Variants in MAN1A2 observed in about 807,000 individuals in gnomAD.
MAN1A2 encodes mannosyl-oligosaccharide 1,2-alpha-mannosidase IB.
MAN1A2 carries 26 observed loss-of-function variants against 75.7 expected under a neutral mutation model. That is an observed-to-expected ratio of 0.34 (90% CI 0.25 to 0.48). MAN1A2 has a LOEUF of 0.48. MAN1A2 is among the 20% of genes least tolerant of loss of function. The pLI is 0.99. For missense variants in MAN1A2, 562 were observed against 775.5 expected (o/e 0.72, Z 3.27); for synonymous variants, 247 against 264.6 (o/e 0.93, Z 0.65).
At chr1:117,393,585 TA>T (rs1653803573) in intron 1 of MAN1A2, among the ~76,000 whole-genome samples, 2 of 152,088 alleles carry the variant, frequency 1.3e-5, no homozygotes, top group East Asian at 1.9e-4. Context: ...AACTTTGTCA[TA>T]AAAAAACTTT....
At chr1:117,458,523 A>ATATTT (rs1553236643) in intron 6 of MAN1A2, among the ~76,000 whole-genome samples, 4 of 105,608 alleles carry the variant, frequency 3.8e-5, no homozygotes, top group African/African-American at 1.4e-4. Context: ...ATATATATAT[A>ATATTT]TTTTTTTTTT....
chr1:117,429,929 G>A (rs1307694181), intron 5 of MAN1A2, among the ~76,000 whole-genome samples: 5 of 80,170 alleles, frequency 6.2e-5, no homozygotes, highest in East Asian at 3.7e-4. Context: ...CAGTAGGGGC[G>A]GCCGGGCAGA....
At chr1:117,493,051 AC>A (rs941364214) in intron 8 of MAN1A2, 95 bp from the exon 9 acceptor site, 1 of 655,258 alleles carries the variant, frequency 1.5e-6, no homozygotes, top group African/African-American at 1.8e-5. Context: ...AAAATTATTG[AC>A]CTCTAACATA....
rs2101040260 is a variant in MAN1A2, at chr1:117,528,271, T to C, written c.*5314T>C. The C allele has an allele frequency of 6.6e-6, 1 of 152,176 alleles. No homozygotes were observed. Among genetic ancestry groups the C allele is most frequent in the East Asian group, 1.9e-4 (1 of 5,174 alleles). The allele number at this position is 152,176 out of a possible 1,614,324, so 9.4% of individuals were successfully genotyped here. On this transcript the variant is annotated 3_prime_UTR_variant, in exon 13 of 13. Coordinates refer to ENST00000356554, the MANE Select transcript of MAN1A2 (RefSeq NM_006699.5). ...AATAGATTTTTCTTTAAGAATTTTA[T>C]CAAATATTTCACTATTTGGGGAAAT... is the stretch of plus-strand genomic sequence containing the variant.
chr1:117,405,698 AAC>A, intron 3 of MAN1A2, 53 bp downstream of exon 3: 1 of 965,504 alleles, frequency 1.0e-6, no homozygotes, highest in South Asian at 1.3e-5. Context: ...CATCTTTTAA[AAC>A]AAGATGTAAC....
chr1:117,522,942 T>C lies in MAN1A2; in HGVS notation c.1911T>C (p.Asn637=). 1 of 1,611,418 alleles carries C rather than the reference T, an allele frequency of 6.2e-7. No individual in the cohort carries two copies. Among genetic ancestry groups the C allele is most frequent in the East Asian group, 2.2e-5 (1 of 44,838 alleles). The change falls in exon 13 of 13, where the codon AAT becomes AAC. Residue 637 remains asparagine (N), a synonymous_variant. Transcript: ENST00000356554. ...LHLANTTLSG[N]PAVR Reference sequence around the variant, plus strand: ...TAGCCAACACCACACTTTCAGGTAATCCTGCTGTTCGATGAAAGCAGTTCC... The same window carrying C: ...TAGCCAACACCACACTTTCAGGTAACCCTGCTGTTCGATGAAAGCAGTTCC...
intron 1 of MAN1A2, among the ~76,000 whole-genome samples, chr1:117,371,145 A>T (rs1652952931): frequency 6.6e-6 from 1 of 152,148 alleles, no homozygotes; most frequent in Non-Finnish European, 1.5e-5. Context: ...ATCATCAGTG[A>T]TTATAATTGT....
chr1:117,369,750 G>T (rs547599739), intron 1 of MAN1A2, among the ~76,000 whole-genome samples: 22 of 152,222 alleles, frequency 1.4e-4, no homozygotes, highest in South Asian at 8.3e-4. Context: ...CACTTTGCTT[G>T]TTGTGACTTT....
At chr1:117,497,009 A>G (rs758819620) in intron 10 of MAN1A2, 27 bp downstream of exon 10, 16 of 1,536,720 alleles carry the variant, frequency 1.0e-5, no homozygotes, top group East Asian at 4.6e-5. Flanking sequence ...GGCTAATTAT[A>G]TAGTCTAAAA....
chr1:117,402,039 G>T, intron 1 of MAN1A2, 147 bp from the exon 2 acceptor site: 1 of 688,050 alleles, frequency 1.5e-6, no homozygotes, highest in South Asian at 2.1e-5. Flanking sequence ...AGATCTGAAT[G>T]TGTCTCACTG....
At chr1:117,435,112 C>T (rs1021769315) in intron 5 of MAN1A2, among the ~76,000 whole-genome samples, 3 of 151,270 alleles carry the variant, frequency 2.0e-5, no homozygotes, top group African/African-American at 7.3e-5. Context: ...TATATTTAAG[C>T]GAAAATAAGT....
At chr1:117,424,683 C>A (rs1466173481) in intron 5 of MAN1A2, among the ~76,000 whole-genome samples, 1 of 152,186 alleles carries the variant, frequency 6.6e-6, no homozygotes, top group Admixed American at 6.5e-5. Flanking sequence ...CTGCAGTCTG[C>A]TGCATACCCC....
At chr1:117,400,898 A>T (rs796807233) in intron 1 of MAN1A2, among the ~76,000 whole-genome samples, 6 of 152,302 alleles carry the variant, frequency 3.9e-5, no homozygotes, top group African/African-American at 1.4e-4. Context: ...TTTAATGTGT[A>T]CAATTCAGTA....
chr1:117,434,524 G>A (rs1031260756), intron 5 of MAN1A2, among the ~76,000 whole-genome samples: 1 of 152,054 alleles, frequency 6.6e-6, no homozygotes, highest in African/African-American at 2.4e-5. Context: ...AGATACACAA[G>A]GGTATACTCA....
intron 3 of MAN1A2, among the ~76,000 whole-genome samples, chr1:117,409,538 C>G (rs1232829654): frequency 6.7e-6 from 1 of 149,418 alleles, no homozygotes; most frequent in African/African-American, 2.5e-5. Flanking sequence ...TGTGTATATT[C>G]TGCTGTTATT....
intron 8 of MAN1A2, among the ~76,000 whole-genome samples, chr1:117,487,205 A>G (rs12407224): frequency 0.089 from 13,577 of 152,104 alleles, 672 homozygotes; most frequent in Middle Eastern, 0.16. Context: ...GTGGGAAGTT[A>G]TTTCAGAATG....
intron 1 of MAN1A2, among the ~76,000 whole-genome samples, chr1:117,389,713 C>CT (rs373679736): frequency 4.4e-4 from 64 of 146,882 alleles, no homozygotes; most frequent in African/African-American, 8.0e-4. Context: ...CCTTTTTTTT[C>CT]TTTTTTTTTT....
intron 4 of MAN1A2, among the ~76,000 whole-genome samples, chr1:117,416,369 T>G (rs1380554192): frequency 6.6e-6 from 1 of 152,144 alleles, no homozygotes; most frequent in Non-Finnish European, 1.5e-5. Context: ...TCTGCGGAAA[T>G]TGTCTTAGTT....
chr1:117,420,372 G>A (rs552263262), intron 4 of MAN1A2, among the ~76,000 whole-genome samples, 197 bp from the exon 5 acceptor site: 2 of 152,152 alleles, frequency 1.3e-5, no homozygotes, highest in East Asian at 1.9e-4. Flanking sequence ...TTAGGGAGCT[G>A]TGGTGACAGC....
Sources: gnomAD v4.1 joint callset for allele counts (sites outside exome capture counted in the v4.1 genomes callset) on GRCh38, gnomAD v4.1.1 for gene constraint, MANE v1.5 for transcripts, NCBI Gene and HGNC (gene_info 2026-07-23, HGNC 2026-07-21) for gene names.